The following ROGDI variants were observed in gnomAD, a reference collection of about 807,000 sequenced individuals.
The protein encoded by ROGDI is protein rogdi homolog.
In ROGDI, 46 loss-of-function variants were observed where a neutral mutation model predicts 43.1. The observed-to-expected ratio is 1.07, with a 90% CI of 0.84 to 1.37. The LOEUF (loss-of-function observed/expected upper bound fraction) is 1.37, where lower values mean the gene tolerates loss of function less well. Among genes scored for constraint, ROGDI ranks in the 40% most tolerant of loss-of-function variants. The pLI, the probability that ROGDI is intolerant of heterozygous loss-of-function variation, is 0.00. For synonymous variants in ROGDI, 243 were observed against 162.0 expected, an observed-to-expected ratio of 1.50 and a Z score of -3.80; for missense variants, 518 against 383.9, an observed-to-expected ratio of 1.35 and a Z score of -2.92.
chr16:4,801,868 A>G (rs965445736), intron 2 of ROGDI: 1 of 575,506 alleles, frequency 1.7e-6, no homozygotes, highest in Admixed American at 2.9e-5. Context: ...TGAGGGGGAA[A>G]GGGGCAAGGG....
chr16:4,798,161 C>G lies in ROGDI; in HGVS notation c.555G>C (p.Pro185=), dbSNP rs771793763. The G allele has an allele frequency of 2.2e-5, 36 of 1,613,768 alleles. No homozygotes were observed. In the Admixed American group the frequency reaches 3.7e-4, roughly 16 times the overall value. The change falls in exon 8 of 11, where the codon CCG becomes CCC. Residue 185 remains proline, a synonymous_variant. Transcript: ENST00000322048. The part of the protein sequence containing the change: ...GLTRMFAPAL[P]SDLLVNVYIN... The stretch of plus-strand genomic sequence containing the variant: ...TGTAGACGTTGACCAGCAGGTCGGA[C>G]GGCAGGGCAGGGGCGAACATCCGCT...
Position 4,799,680 on chromosome 16 carries a change from G to T in ROGDI, c.432+6C>A. ...GGCCCAGGAGTCAGGCCCGGGGGCAGCTCACCTTGAGGACCTCAGCGCCCG... is the reference window on the plus strand; with the variant it reads ...GGCCCAGGAGTCAGGCCCGGGGGCATCTCACCTTGAGGACCTCAGCGCCCG... On this transcript the variant is annotated splice_donor_region_variant and intron_variant, in intron 6 of 10. Coordinates refer to ENST00000322048, the MANE Select transcript of ROGDI (RefSeq NM_024589.3). The T allele has an allele frequency of 6.2e-7, 1 of 1,609,510 alleles. No homozygotes were observed. The highest frequency in any genetic ancestry group is 8.5e-7 in the Non-Finnish European group (1 of 1,176,758).
chr16:4,800,613 G>T, intron 4 of ROGDI, 35 bp from the exon 5 acceptor site: 1 of 1,503,860 alleles, frequency 6.6e-7, no homozygotes, highest in Non-Finnish European at 9.1e-7. Flanking sequence ...TGGGCAGTGG[G>T]GGGGCACCTC....
chr16:4,799,734 G>A lies in ROGDI; in HGVS notation c.384C>T (p.Thr128=). 1 of 1,613,744 alleles carries A rather than the reference G, an allele frequency of 6.2e-7. No homozygotes were observed. The highest frequency in any genetic ancestry group is 8.5e-7 in the Non-Finnish European group (1 of 1,179,792). The change falls in exon 6 of 11, where the codon ACC becomes ACT. Residue 128 remains threonine (T), a synonymous_variant. Transcript: ENST00000322048. Reference sequence around the variant, plus strand: ...TGAACTGGTAGCTCTGGTCCCGGCTGGTAAGCAGGTAAATGGCTTGGCTCA... The same window carrying A: ...TGAACTGGTAGCTCTGGTCCCGGCTAGTAAGCAGGTAAATGGCTTGGCTCA... ...NHVSQAIYLL[T]SRDQSYQFKT...
chr16:4,802,112 G>C (rs1274494248), intron 2 of ROGDI: 1 of 649,486 alleles, frequency 1.5e-6, no homozygotes. Flanking sequence ...TCCCAGATTG[G>C]ATGCCGCTGC....
chr16:4,802,170 T>C (rs1310868776), intron 2 of ROGDI: 3 of 650,784 alleles, frequency 4.6e-6, no homozygotes, highest in East Asian at 2.9e-5. Flanking sequence ...ACTCAGGCCC[T>C]TGCTAGCACC....
intron 5 of ROGDI, among the ~76,000 whole-genome samples, chr16:4,799,994 G>A (rs2082696887): frequency 6.6e-6 from 1 of 152,304 alleles, no homozygotes; most frequent in African/African-American, 2.4e-5. Flanking sequence ...CTTTCTAAGG[G>A]ATGGACACAC....
At chr16:4,801,038 G>A (rs1488046263) in intron 4 of ROGDI, 4 of 510,166 alleles carry the variant, frequency 7.8e-6, no homozygotes, top group Admixed American at 3.6e-5. Flanking sequence ...TGGTCCGGAC[G>A]CCAGGCCAGG....
intron 2 of ROGDI, 21 bp from the exon 3 acceptor site, chr16:4,801,606 G>C (rs755316911): frequency 2.5e-6 from 4 of 1,577,288 alleles, no homozygotes; most frequent in Admixed American, 1.8e-5. Flanking sequence ...GAGGGAAGGA[G>C]GGGAGCTGGT....
At chr16:4,798,242 C>G in intron 7 of ROGDI, 58 bp from the exon 8 acceptor site, 1 of 1,411,404 alleles carries the variant, frequency 7.1e-7, no homozygotes, top group Non-Finnish European at 9.9e-7. Flanking sequence ...CTGGATGGAG[C>G]GGGGCTCTGC....
At chr16:4,799,917 G>A (rs530077288) in intron 5 of ROGDI, 136 bp from the exon 6 acceptor site, 57 of 646,194 alleles carry the variant, frequency 8.8e-5, no homozygotes, top group African/African-American at 5.4e-4. Context: ...CCAGGTCCAC[G>A]CCAGGTGATG....
Position 4,798,126 on chromosome 16 carries a change from T to C in ROGDI, c.590A>G (p.Asn197Ser), listed in dbSNP as rs1567598164. The part of the protein sequence containing the change: ...DLLVNVYINL[N>S]KLCLTVYQLH... ...CTGGTACACCGTGAGGCAGAGCTTG[T>C]TGAGGTTGATGTAGACGTTGACCAG... is the stretch of plus-strand genomic sequence containing the variant. The change falls in exon 8 of 11, where the codon AAC becomes AGC. Residue 197 changes from asparagine to serine, a missense_variant. Physicochemically the swap from Asn to Ser is conservative, Grantham distance 46 (BLOSUM62 1). Transcript: ENST00000322048. 1.2e-6 allele frequency: 2 copies of C among 1,613,878 alleles called. No individual in the cohort carries two copies. The highest frequency in any genetic ancestry group is 1.7e-6 in the Non-Finnish European group (2 of 1,179,910).
intron 2 of ROGDI, 32 bp from the exon 3 acceptor site, chr16:4,801,617 AG>A (rs1567604316): frequency 1.1e-5 from 17 of 1,559,892 alleles, no homozygotes; most frequent in Non-Finnish European, 1.5e-5. Context: ...GGGAGCTGGT[AG>A]CGCCCACTCA....
intron 2 of ROGDI, 144 bp from the exon 3 acceptor site, chr16:4,801,729 A>T: frequency 1.4e-6 from 1 of 726,936 alleles, no homozygotes; most frequent in Non-Finnish European, 2.3e-6. Flanking sequence ...TGGGGTGGGA[A>T]GACCCTGCCC....
intron 2 of ROGDI, 35 bp from the exon 3 acceptor site, chr16:4,801,620 G>A (rs1409690006): frequency 7.8e-6 from 12 of 1,530,480 alleles, no homozygotes; most frequent in Non-Finnish European, 1.1e-5. Flanking sequence ...AGCTGGTAGC[G>A]CCCACTCAGG....
chr16:4,801,673 C>G, intron 2 of ROGDI, 88 bp from the exon 3 acceptor site: 1 of 1,263,468 alleles, frequency 7.9e-7, no homozygotes, highest in East Asian at 2.5e-5. Context: ...CCCTCCAAGT[C>G]AGCGGGGGGA....
chr16:4,800,876 T>C (rs1351948103), intron 4 of ROGDI: 2 of 522,472 alleles, frequency 3.8e-6, no homozygotes, highest in East Asian at 6.6e-5. Flanking sequence ...GTGCATCTAG[T>C]GTCTACAAAG....
Position 4,798,141 on chromosome 16 carries a change from A to T in ROGDI, c.575T>A (p.Val192Asp). Residue 192 changes from valine to aspartate, a missense_variant, in exon 8 of 11, where the codon GTC becomes GAC. Physicochemically the swap from Val to Asp is radical, Grantham distance 152 (BLOSUM62 -3). Transcript: ENST00000322048. Reference protein sequence around the residue: ...PALPSDLLVNVYINLNKLCLT... With the variant: ...PALPSDLLVNDYINLNKLCLT... ...GCAGAGCTTGTTGAGGTTGATGTAG[A>T]CGTTGACCAGCAGGTCGGACGGCAG... The T allele has an allele frequency of 6.2e-7, 1 of 1,613,998 alleles. No homozygotes were observed. Among genetic ancestry groups the T allele is most frequent in the Non-Finnish European group, 8.5e-7 (1 of 1,179,946 alleles).
chr16:4,801,047 G>A, intron 4 of ROGDI: 2 of 522,024 alleles, frequency 3.8e-6, no homozygotes, highest in South Asian at 3.0e-5. Context: ...CGCCAGGCCA[G>A]GCCGTGTGCA....
Sources: gnomAD v4.1 joint callset for allele counts (sites outside exome capture counted in the v4.1 genomes callset) on GRCh38, gnomAD v4.1.1 for gene constraint, MANE v1.5 for transcripts, NCBI Gene and HGNC (gene_info 2026-07-23, HGNC 2026-07-21) for gene names.